The following GBX1 variants were observed in gnomAD, a reference collection of about 807,000 sequenced individuals.
GBX1 encodes the protein homeobox protein GBX-1.
GBX1 carries 9 observed loss-of-function variants against 22.9 expected under a neutral mutation model. The observed-to-expected ratio is 0.39, with a 90% CI of 0.24 to 0.69. The LOEUF (loss-of-function observed/expected upper bound fraction) is 0.69. GBX1 is among the 30% of genes least tolerant of loss of function. The pLI is 0.43. For missense variants in GBX1, 494 were observed against 509.2 expected, an observed-to-expected ratio of 0.97 and a Z score of 0.29; for synonymous variants, 203 against 227.3, an observed-to-expected ratio of 0.89 and a Z score of 0.96.
At chr7:151,163,869 T>A (rs1177195950) in intron 1 of GBX1, among the ~76,000 whole-genome samples, 1 of 152,206 alleles carries the variant, frequency 6.6e-6, no homozygotes, top group African/African-American at 2.4e-5. Flanking sequence ...TCCAAACTTG[T>A]GATTCTTTTC....
chr7:151,162,709 C>T (rs984107257), intron 1 of GBX1, among the ~76,000 whole-genome samples: 3 of 152,016 alleles, frequency 2.0e-5, no homozygotes, highest in African/African-American at 7.3e-5. Flanking sequence ...TACCATTCCT[C>T]ACTTCCTAAG....
chr7:151,158,855 A>T (rs969595889), intron 1 of GBX1, among the ~76,000 whole-genome samples: 4 of 152,196 alleles, frequency 2.6e-5, no homozygotes, highest in Non-Finnish European at 5.9e-5. Flanking sequence ...TATTACTTTC[A>T]GGATGCTGCA....
Position 151,148,614 on chromosome 7 carries a change from T to C in GBX1, c.1067A>G (p.Gln356Arg), listed in dbSNP as rs1381014980. The change falls in exon 2 of 2, where the codon CAA (glutamine) becomes CGA (arginine). Residue 356 changes from glutamine (Q) to arginine (R), a missense_variant. Around this residue, in one of 3 missense-constraint regions of GBX1, gnomAD observed 124 missense variants for 152.0 expected, o/e 0.82. Transcript: ENST00000297537. The surrounding 1 kb of genome is among the most constrained non-coding windows in gnomAD (Gnocchi z 5.1). ...TCAGGGCCGGGCCCCCTGCTCCATTTGTTGGTGCTGGCTCCGCACAGCAAA... is the reference window on the plus strand; with the variant it reads ...TCAGGGCCGGGCCCCCTGCTCCATTCGTTGGTGCTGGCTCCGCACAGCAAA... ...NRFAVRSQHQ[Q>R]MEQGARP 6.2e-7 allele frequency: 1 copy of C among 1,613,448 alleles called. No homozygotes were observed. The highest frequency in any genetic ancestry group is 8.5e-7 in the Non-Finnish European group (1 of 1,179,618).
At chr7:151,166,748 A>C (rs894980641) in intron 1 of GBX1, among the ~76,000 whole-genome samples, 5 of 152,114 alleles carry the variant, frequency 3.3e-5, no homozygotes, top group Admixed American at 2.6e-4. Flanking sequence ...TAGGATGCTG[A>C]GGGAAAGGCA....
intron 1 of GBX1, among the ~76,000 whole-genome samples, chr7:151,157,566 A>C (rs1181077321): frequency 1.3e-5 from 2 of 152,088 alleles, no homozygotes; most frequent in African/African-American, 2.4e-5. Flanking sequence ...ATTTCTTCCT[A>C]ATACTGAAAG....
At chr7:151,154,332 A>T in intron 1 of GBX1, among the ~76,000 whole-genome samples, 1 of 152,250 alleles carries the variant, frequency 6.6e-6, no homozygotes, top group East Asian at 1.9e-4. Flanking sequence ...CATGAAAAAA[A>T]TTTCCTATGG....
intron 1 of GBX1, among the ~76,000 whole-genome samples, chr7:151,163,861 C>A (rs1362477319): frequency 1.3e-5 from 2 of 152,150 alleles, no homozygotes; most frequent in Admixed American, 1.3e-4. Context: ...TCCCACATTC[C>A]AAACTTGTGA....
intron 1 of GBX1, among the ~76,000 whole-genome samples, chr7:151,154,021 T>C (rs1801107763): frequency 6.6e-6 from 1 of 152,328 alleles, no homozygotes; most frequent in African/African-American, 2.4e-5. Flanking sequence ...GTGGATCACC[T>C]GAGGTCAGGA....
chr7:151,155,830 T>C (rs767459936), intron 1 of GBX1, among the ~76,000 whole-genome samples: 13 of 152,146 alleles, frequency 8.5e-5, no homozygotes, highest in Non-Finnish European at 1.3e-4. Flanking sequence ...TTAGTAGTAA[T>C]AGGAGAGGTA....
Position 151,167,012 on chromosome 7 carries a change from G to A in GBX1, c.537C>T (p.Pro179=), listed in dbSNP as rs375522842. 5 of 1,604,048 alleles carry A rather than the reference G, an allele frequency of 3.1e-6. No individual in the cohort carries two copies. The highest frequency in any genetic ancestry group is 2.3e-5 in the East Asian group (1 of 43,626). ...GCCCTGGTCGGCCCTAGCACTTACC[G>A]GGCAGACTTGGAAAAGTCTCTGAGA... ...PHFSETFPSL[P]AEGKVYSSDE... Residue 179 remains proline, a splice_region_variant and synonymous_variant, in exon 1 of 2, where the codon CCC becomes CCT. Transcript: ENST00000297537. This position sits in a 1 kb window ranked among gnomAD's most constrained non-coding sequence, Gnocchi z 5.9.
chr7:151,166,982 C>A, intron 1 of GBX1, 29 bp downstream of exon 1: 1 of 1,598,582 alleles, frequency 6.3e-7, no homozygotes, highest in Non-Finnish European at 8.5e-7. Flanking sequence ...ACCGGCCTCC[C>A]GCCAGCCCTG....
intron 1 of GBX1, among the ~76,000 whole-genome samples, chr7:151,166,487 AACACACAC>A (rs767762750): frequency 1.8e-5 from 1 of 55,814 alleles, no homozygotes; most frequent in Non-Finnish European, 3.6e-5. Flanking sequence ...CCCCCCCCCC[AACACACAC>A]ACACACACAC....
chr7:151,151,429 A>T (rs1801078530), intron 1 of GBX1, among the ~76,000 whole-genome samples: 1 of 152,072 alleles, frequency 6.6e-6, no homozygotes, highest in Non-Finnish European at 1.5e-5. Context: ...TCTAAGATTC[A>T]CATCCTTGGT....
chr7:151,153,817 C>G (rs1169884127), intron 1 of GBX1, among the ~76,000 whole-genome samples: 3 of 152,078 alleles, frequency 2.0e-5, no homozygotes. Context: ...CCCACCTCGG[C>G]TTCCCAAAGT....
intron 1 of GBX1, among the ~76,000 whole-genome samples, chr7:151,158,245 C>T (rs372305365): frequency 2.6e-5 from 4 of 152,272 alleles, no homozygotes; most frequent in African/African-American, 4.8e-5. Flanking sequence ...CTCCCATCCA[C>T]GCTAATGTTT....
rs1801261801 is a variant in GBX1 at position 151,167,044 on chromosome 7, G to A, written c.505C>T (p.Pro169Ser). The A allele has an allele frequency of 6.2e-7, 1 of 1,601,612 alleles. No individual in the cohort carries two copies. The highest frequency in any genetic ancestry group is 1.7e-5 in the Admixed American group (1 of 58,720). ...KVAEPPPPPP[P>S]HFSETFPSLP... ...CTTGGAAAAGTCTCTGAGAAGTGCG[G>A]AGGCGGAGGTGGTGGGGGCTCTGCC... The change falls in exon 1 of 2, where the codon CCG (proline) becomes TCG (serine). Residue 169 changes from proline to serine, a missense_variant. By Grantham distance (74) the Pro-to-Ser change is moderately conservative. Coordinates refer to ENST00000297537, the MANE Select transcript of GBX1 (RefSeq NM_001098834.3). This position sits in a 1 kb window ranked among gnomAD's most constrained non-coding sequence, Gnocchi z 5.9.
rs1296631544 is a variant in GBX1, at chr7:151,166,477, C to CA, written c.538+533_538+534insT. On this transcript the variant is annotated intron_variant, in intron 1 of 1. Transcript: ENST00000297537. ...GAAGTCACGGCTTTGAGACGCAACC[C>CA]CCCCCCCCCAACACACACACACACA... Among the ~76,000 whole-genome samples, 50 of 117,098 alleles carry CA rather than the reference C, an allele frequency of 4.3e-4. 1 individual carries two copies. The highest frequency in any genetic ancestry group is 1.7e-3 in the African/African-American group (48 of 27,824). 76.8% of individuals were successfully genotyped at this position (117,098 alleles called of 152,430 possible).
At chr7:151,166,487 A>AC (rs1554475966) in intron 1 of GBX1, among the ~76,000 whole-genome samples, 1,334 of 55,752 alleles carry the variant, frequency 0.024, 33 homozygotes, top group East Asian at 0.19. Flanking sequence ...CCCCCCCCCC[A>AC]ACACACACAC....
intron 1 of GBX1, among the ~76,000 whole-genome samples, chr7:151,159,076 A>C (rs919615745): frequency 6.9e-6 from 1 of 145,292 alleles, no homozygotes; most frequent in African/African-American, 2.7e-5. Context: ...ATGTAAAAAA[A>C]GTGTCTGAAT....
Sources: gnomAD v4.1 joint callset for allele counts (sites outside exome capture counted in the v4.1 genomes callset) on GRCh38, gnomAD v4.1.1 for gene constraint, gnomAD v4.1.1 regional missense constraint, Gnocchi (gnomAD v3.1) non-coding constraint, MANE v1.5 for transcripts, NCBI Gene and HGNC (gene_info 2026-07-23, HGNC 2026-07-21) for gene names.